CES4A: variants seen among roughly 807,000 people sequenced by gnomAD.
CES4A encodes carboxylesterase 6.
Under a neutral mutation model 65.4 loss-of-function variants are expected in CES4A, and 48 were observed. The ratio of observed to expected loss-of-function variants is 0.73; its 90% confidence interval spans 0.58 to 0.93. The LOEUF is 0.93. CES4A is among the 40% of genes least tolerant of loss of function. The pLI, the probability that CES4A is intolerant of heterozygous loss-of-function variation, is 0.00. For missense variants in CES4A, 685 were observed against 728.5 expected, an observed-to-expected ratio of 0.94 and a Z score of 0.69; for synonymous variants, 247 against 281.8, an observed-to-expected ratio of 0.88 and a Z score of 1.24.
chr16:67,006,225 G>A, intron 11 of CES4A, 166 bp from the exon 12 acceptor site: 1 of 648,470 alleles, frequency 1.5e-6, no homozygotes, highest in Middle Eastern at 4.0e-4. Flanking sequence ...ACTTGCTTTA[G>A]GTCACACAGT....
chr16:67,006,542 C>G lies in CES4A; in HGVS notation c.1444+23C>G, dbSNP rs568345451. The G allele has an allele frequency of 1.8e-5, 28 of 1,541,982 alleles. No homozygotes were observed. In the South Asian group the frequency reaches 3.2e-4, roughly 17 times the overall value. ...CAGGTGCAAAGGTCCCACCTGATAC[C>G]CCAACTGGGTGTCCAGTCTCCCACC... is the stretch of plus-strand genomic sequence containing the variant. On this transcript the variant is annotated intron_variant, in intron 12 of 13. Coordinates refer to ENST00000648724, the Ensembl canonical transcript of CES4A.
chr16:66,998,816 G>A (rs934544212), intron 2 of CES4A, among the ~76,000 whole-genome samples: 1 of 152,012 alleles, frequency 6.6e-6, no homozygotes, highest in Admixed American at 6.6e-5. Context: ...AGCCAAGATG[G>A]TGCCACTGCA....
At chr16:66,996,042 T>G in intron 2 of CES4A, 1 of 688,024 alleles carries the variant, frequency 1.5e-6, no homozygotes. Context: ...TTTTTGTTTT[T>G]GTTTTTGTTT....
At chr16:66,994,050 G>A (rs573717360) in intron 1 of CES4A, among the ~76,000 whole-genome samples, 3 of 151,362 alleles carry the variant, frequency 2.0e-5, no homozygotes, top group East Asian at 2.0e-4. Context: ...GCAGTGAGCC[G>A]AGATCGTGCC....
At chr16:67,009,523 CCT>C in exon 14 of CES4A, 1 of 173,676 alleles carries the variant, frequency 5.8e-6, no homozygotes, top group Non-Finnish European at 1.2e-5. Flanking sequence ...TGCCACTGCC[CCT>C]GTCACTGCAC....
At chr16:66,998,582 G>A (rs1965042642) in intron 2 of CES4A, among the ~76,000 whole-genome samples, 1 of 152,144 alleles carries the variant, frequency 6.6e-6, no homozygotes, top group Non-Finnish European at 1.5e-5. Context: ...TAAAGAAAGA[G>A]AGGAGGCTGG....
chr16:67,001,008 C>A lies in CES4A; in HGVS notation c.536+18C>A. 1 of 1,513,014 alleles carries A rather than the reference C, an allele frequency of 6.6e-7. No homozygotes were observed. The highest frequency in any genetic ancestry group is 1.1e-5 in the South Asian group (1 of 89,604). 93.7% of individuals were successfully genotyped at this position (1,513,014 alleles called of 1,614,324 possible). On this transcript the variant is annotated intron_variant, in intron 4 of 13. Transcript: ENST00000648724. The surrounding 1 kb of genome is among the most constrained non-coding windows in gnomAD (Gnocchi z 4.1). ...TTCCTGAGGTGGCGGGGCCGGTACC[C>A]TTTGGGACCGCAGCTGTGGCCAGAG...
intron 10 of CES4A, 39 bp downstream of exon 10, chr16:67,004,912 G>C (rs1411695723): frequency 6.8e-7 from 1 of 1,475,132 alleles, no homozygotes; most frequent in Admixed American, 2.0e-5. Context: ...AGTTCGGACA[G>C]GGTTGACCCC....
chr16:66,994,078 G>A (rs756572457), intron 1 of CES4A, among the ~76,000 whole-genome samples: 7 of 151,348 alleles, frequency 4.6e-5, no homozygotes, highest in Non-Finnish European at 1.0e-4. Context: ...TCCAGCCTGG[G>A]CGACAGAGCA....
rs1965323717 is a variant in CES4A at position 67,001,278 on chromosome 16, GGACCCTGACAGT to G, written c.537-27_537-16del. 1.9e-6 allele frequency: 3 copies of G among 1,563,892 alleles called. No individual in the cohort carries two copies. The highest frequency in any genetic ancestry group is 2.6e-6 in the Non-Finnish European group (3 of 1,156,108). On this transcript the variant is annotated intron_variant, in intron 4 of 13. Transcript: ENST00000648724. The surrounding 1 kb of genome is among the most constrained non-coding windows in gnomAD (Gnocchi z 4.1). ...AACGCGCCCCGACTGTCGAGGCCCG[GGACCCTGACAGT>G]GAACCCCACACGCCCAGCACGGACG...
Position 67,000,498 on chromosome 16 carries a change from C to T in CES4A, c.261-140C>T. 7.0e-7 allele frequency: 1 copy of T among 1,437,212 alleles called. No individual in the cohort carries two copies. Among genetic ancestry groups the T allele is most frequent in the Non-Finnish European group, 9.1e-7 (1 of 1,096,192 alleles). 89.0% of individuals were successfully genotyped at this position (1,437,212 alleles called of 1,614,324 possible). On this transcript the variant is annotated intron_variant, in intron 2 of 13. Transcript: ENST00000648724. This position sits in a 1 kb window ranked among gnomAD's most constrained non-coding sequence, Gnocchi z 4.2. ...CCGGGGCTGGCGGAGGCCTCCTGTA[C>T]ACGCACACGCACGCACATGCGCACG...
At position 66,989,061 on chromosome 16, in the gene CES4A, C is replaced by A. The variant is rs541351827; in HGVS notation, c.58+231C>A. 3.3e-5 allele frequency among the ~76,000 whole-genome samples: 5 copies of A among 152,310 alleles called. No individual in the cohort carries two copies. The East Asian group carries it at 9.6e-4, about 29-fold the overall frequency. On this transcript the variant is annotated intron_variant, in intron 1 of 13. Transcript: ENST00000648724. Reference sequence around the variant, plus strand: ...CTTCTCTGTATTTCCTGCCTCCCGGCACAGGTGAAGGGGTCTGAGAACATG... The same window carrying A: ...CTTCTCTGTATTTCCTGCCTCCCGGAACAGGTGAAGGGGTCTGAGAACATG...
chr16:66,999,187 C>CT (rs1965090313), intron 2 of CES4A, among the ~76,000 whole-genome samples: 1 of 152,186 alleles, frequency 6.6e-6, no homozygotes, highest in Admixed American at 6.6e-5. Flanking sequence ...AGGTGATGCT[C>CT]TGGGAACAGG....
chr16:66,995,899 A>T (rs1055039806), intron 2 of CES4A, 70 bp downstream of exon 2: 4 of 1,416,614 alleles, frequency 2.8e-6, no homozygotes, highest in Non-Finnish European at 4.0e-6. Context: ...GGGGCTTTGC[A>T]CAGCTCACTG....
rs1197384830 is a variant in CES4A at position 67,004,098 on chromosome 16, G to A, written c.954G>A (p.Met318Ile). 2.5e-6 allele frequency: 4 copies of A among 1,613,982 alleles called. No individual in the cohort carries two copies. The highest frequency in any genetic ancestry group is 3.4e-6 in the Non-Finnish European group (4 of 1,180,000). ...TTGCCTTGTAGATTATCTGGTCCAT[G>A]AGCCCTGTGGTGGATGGTGTGGTGA... Residue 318 changes from methionine (M) to isoleucine (I), a missense_variant, in exon 9 of 14, where the codon ATG becomes ATA. Transcript: ENST00000648724.
At chr16:66,999,917 C>A (rs1478605097) in intron 2 of CES4A, among the ~76,000 whole-genome samples, 1 of 152,072 alleles carries the variant, frequency 6.6e-6, no homozygotes, top group Non-Finnish European at 1.5e-5. Context: ...GGGCAGAAGG[C>A]ATTTGCTTGA....
Position 67,001,336 on chromosome 16 carries a change from T to TG in CES4A, c.570dup (p.Leu191AlafsTer68). ...GGACGACAGCCACGCGCGCGGGAAC[T>TG]GGGGGCTGCTGGACCAGATGGCGGC... On this transcript the variant is annotated frameshift_variant, in exon 5 of 14. Transcript: ENST00000648724. LOFTEE classifies it high-confidence loss of function. The surrounding 1 kb of genome is among the most constrained non-coding windows in gnomAD (Gnocchi z 4.1). 6.2e-7 allele frequency: 1 copy of TG among 1,611,712 alleles called. No homozygotes were observed. The highest frequency in any genetic ancestry group is 1.7e-5 in the Admixed American group (1 of 59,734).
intron 1 of CES4A, among the ~76,000 whole-genome samples, chr16:66,989,592 A>T (rs1964214553): frequency 6.6e-6 from 1 of 151,900 alleles, no homozygotes; most frequent in African/African-American, 2.4e-5. Context: ...ACTTACAAGG[A>T]TACACCTGTA....
At chr16:67,006,695 G>T in intron 12 of CES4A, 50 bp from the exon 13 acceptor site, 1 of 1,579,256 alleles carries the variant, frequency 6.3e-7, no homozygotes, top group East Asian at 2.2e-5. Flanking sequence ...AGGGTGGGAG[G>T]TCAGTGTCCC....
Sources: gnomAD v4.1 joint callset for allele counts (sites outside exome capture counted in the v4.1 genomes callset) on GRCh38, gnomAD v4.1.1 for gene constraint, Gnocchi (gnomAD v3.1) non-coding constraint, MANE v1.5 for transcripts, NCBI Gene and HGNC (gene_info 2026-07-23, HGNC 2026-07-21) for gene names.